Variants in KIAA1328 observed in about 807,000 individuals in gnomAD.
KIAA1328 encodes the protein KIAA1328, also known as protein hinderin.
In KIAA1328, 52 loss-of-function variants were observed where a neutral mutation model predicts 68.1. That is an observed-to-expected ratio of 0.76 (90% confidence interval 0.61 to 0.96). The LOEUF (loss-of-function observed/expected upper bound fraction) is 0.96. Among genes scored for constraint, KIAA1328 ranks in the 40% least tolerant of loss-of-function variants. KIAA1328 has a pLI of 0.00. For synonymous variants in KIAA1328, 232 were observed against 239.4 expected, an observed-to-expected ratio of 0.97 and a Z score of 0.28; for missense variants, 641 against 677.6, an observed-to-expected ratio of 0.95 and a Z score of 0.60.
At chr18:37,077,102 C>A (rs1479153207) in intron 7 of KIAA1328, among the ~76,000 whole-genome samples, 1 of 151,066 alleles carries the variant, frequency 6.6e-6, no homozygotes, top group South Asian at 2.1e-4. Flanking sequence ...ACTGGCAAAC[C>A]GAATCCAGCA....
chr18:36,951,924 C>T (rs1036978102), intron 5 of KIAA1328, among the ~76,000 whole-genome samples: 2 of 152,152 alleles, frequency 1.3e-5, no homozygotes, highest in African/African-American at 4.8e-5. Flanking sequence ...CTCATCCATC[C>T]TTTACTCTCC....
chr18:37,075,246 A>G (rs1342999429), intron 7 of KIAA1328: 1 of 152,084 alleles, frequency 6.6e-6, no homozygotes, highest in Admixed American at 6.5e-5. Flanking sequence ...TTCATAAGTG[A>G]AGGAGAAATA....
intron 1 of KIAA1328, among the ~76,000 whole-genome samples, chr18:36,830,135 A>G (rs1328264063): frequency 2.0e-5 from 3 of 152,210 alleles, no homozygotes; most frequent in Non-Finnish European, 4.4e-5. Flanking sequence ...CTTTGGCAGA[A>G]TCACTGGGCA....
intron 8 of KIAA1328, among the ~76,000 whole-genome samples, chr18:37,169,015 C>A (rs2059443353): frequency 6.6e-6 from 1 of 151,956 alleles, no homozygotes; most frequent in African/African-American, 2.4e-5. Flanking sequence ...ATAATCAATT[C>A]CATCTGTGCA....
intron 5 of KIAA1328, among the ~76,000 whole-genome samples, chr18:36,898,682 C>A (rs1026253693): frequency 6.6e-6 from 1 of 151,960 alleles, no homozygotes; most frequent in African/African-American, 2.4e-5. Flanking sequence ...TTATAGGGAG[C>A]CACACTTTTT....
chr18:37,137,668 A>T (rs2058674721), intron 7 of KIAA1328, among the ~76,000 whole-genome samples: 1 of 151,908 alleles, frequency 6.6e-6, no homozygotes, highest in Non-Finnish European at 1.5e-5. Context: ...TTATCTCCCT[A>T]TTGGAGATTA....
At chr18:37,185,738 C>G (rs1286494128) in intron 9 of KIAA1328, among the ~76,000 whole-genome samples, 1 of 151,554 alleles carries the variant, frequency 6.6e-6, no homozygotes, top group Non-Finnish European at 1.5e-5. Flanking sequence ...CACACACACA[C>G]ACGTACACAC....
chr18:36,897,987 A>C (rs1172414194), intron 5 of KIAA1328, among the ~76,000 whole-genome samples: 1 of 152,082 alleles, frequency 6.6e-6, no homozygotes, highest in African/African-American at 2.4e-5. Flanking sequence ...CAATGAAATA[A>C]GAAGCCAATA....
At chr18:36,890,530 G>C (rs1432875015) in intron 5 of KIAA1328, among the ~76,000 whole-genome samples, 2 of 152,094 alleles carry the variant, frequency 1.3e-5, no homozygotes, top group Non-Finnish European at 2.9e-5. Context: ...AATTAGCCGG[G>C]CAAGGTGGTG....
chr18:36,901,610 A>G (rs72887044), intron 5 of KIAA1328, among the ~76,000 whole-genome samples: 20,676 of 151,882 alleles, frequency 0.14, 1,756 homozygotes, highest in Admixed American at 0.18. Context: ...TTCCTTTCTT[A>G]TGTCTGACAG....
At chr18:36,838,405 G>A (rs995222730) in intron 3 of KIAA1328, among the ~76,000 whole-genome samples, 2 of 152,044 alleles carry the variant, frequency 1.3e-5, no homozygotes, top group African/African-American at 4.8e-5. Context: ...ATTCTTTCAC[G>A]TGTATCCAGA....
chr18:36,969,525 C>A (rs184668169), intron 6 of KIAA1328, among the ~76,000 whole-genome samples: 14 of 152,232 alleles, frequency 9.2e-5, no homozygotes, highest in Non-Finnish European at 1.6e-4. Flanking sequence ...TGCACACAAA[C>A]TAGAAAATCT....
intron 4 of KIAA1328, among the ~76,000 whole-genome samples, chr18:36,848,541 CTTTTTTT>C (rs59271370): frequency 5.2e-5 from 2 of 38,144 alleles, no homozygotes; most frequent in Non-Finnish European, 9.2e-5. Flanking sequence ...TCTATAGATG[CTTTTTTT>C]TTTTTTTTTT....
chr18:36,946,316 G>C (rs1005380647), intron 5 of KIAA1328: 1 of 152,174 alleles, frequency 6.6e-6, no homozygotes, highest in Non-Finnish European at 1.5e-5. Flanking sequence ...GGAAGCAAAG[G>C]AGTCCAATAA....
At chr18:37,142,253 G>A (rs965559893) in intron 7 of KIAA1328, among the ~76,000 whole-genome samples, 8 of 151,996 alleles carry the variant, frequency 5.3e-5, no homozygotes, top group Non-Finnish European at 1.0e-4. Context: ...TTGCAGTGGC[G>A]TGATCTTGGC....
intron 6 of KIAA1328, 127 bp downstream of exon 6, chr18:36,959,562 G>A (rs1407773840): frequency 2.0e-6 from 2 of 1,001,880 alleles, no homozygotes; most frequent in Admixed American, 3.1e-5. Context: ...GCCACTGCGT[G>A]TGATTGAGTT....
At chr18:36,847,957 A>G (rs2047083853) in intron 4 of KIAA1328, among the ~76,000 whole-genome samples, 1 of 151,742 alleles carries the variant, frequency 6.6e-6, no homozygotes, top group Admixed American at 6.6e-5. Context: ...GTCTATCCTT[A>G]TGCCAGCACT....
intron 7 of KIAA1328, among the ~76,000 whole-genome samples, chr18:37,112,080 A>G (rs1164288996): frequency 1.3e-5 from 2 of 152,036 alleles, no homozygotes; most frequent in Non-Finnish European, 2.9e-5. Context: ...GCCTCTGTAG[A>G]CTCCACCTCC....
At chr18:36,868,257 G>T (rs1272312744) in intron 4 of KIAA1328, among the ~76,000 whole-genome samples, 1 of 152,170 alleles carries the variant, frequency 6.6e-6, no homozygotes, top group Non-Finnish European at 1.5e-5. Context: ...GGGTTTCCCT[G>T]AGGTGTCCAG....
Sources: allele counts gnomAD v4.1 joint callset (sites outside exome capture counted in the v4.1 genomes callset), GRCh38; gene constraint gnomAD v4.1.1; transcripts MANE v1.5; gene names NCBI Gene and HGNC (gene_info 2026-07-23, HGNC 2026-07-21).